Variants in MYOM1 observed in about 807,000 individuals in gnomAD.
MYOM1 encodes the protein myomesin 1, also known as myomesin-1.
MYOM1 carries 164 observed loss-of-function variants against 205.3 expected under a neutral mutation model. That is an observed-to-expected ratio of 0.80 (90% CI 0.70 to 0.91). MYOM1 has a LOEUF of 0.91. Among genes scored for constraint, MYOM1 ranks in the 40% least tolerant of loss-of-function variants. The pLI, the probability that MYOM1 is intolerant of heterozygous loss-of-function variation, is 0.00. For missense variants in MYOM1, 2,011 were observed against 2,127.3 expected, an observed-to-expected ratio of 0.95 and a Z score of 1.08; for synonymous variants, 772 against 789.4, an observed-to-expected ratio of 0.98 and a Z score of 0.37.
chr18:3,222,182 A>G (rs2081335375), upstream of MYOM1, among the ~76,000 whole-genome samples: 1 of 152,270 alleles, frequency 6.6e-6, no homozygotes, highest in Non-Finnish European at 1.5e-5. Context: ...ACCAGAGTCC[A>G]CATATATAAA....
the MYOM1 span, among the ~76,000 whole-genome samples, chr18:3,233,525 C>T: frequency 6.6e-6 from 1 of 152,132 alleles, no homozygotes; most frequent in Non-Finnish European, 1.5e-5. Context: ...GAATAATAGA[C>T]CCTGGTAAAG....
At chr18:3,114,889 C>T (rs887688893) in intron 21 of MYOM1, among the ~76,000 whole-genome samples, 11 of 152,018 alleles carry the variant, frequency 7.2e-5, no homozygotes, top group African/African-American at 2.4e-4. Context: ...TTAAAATTCC[C>T]GTTATTCTTT....
chr18:3,109,112 C>T (rs1329986986), intron 22 of MYOM1, among the ~76,000 whole-genome samples: 1 of 151,746 alleles, frequency 6.6e-6, no homozygotes, highest in African/African-American at 2.4e-5. Context: ...TCCTGAGAAG[C>T]TGGGATTACA....
intron 8 of MYOM1, among the ~76,000 whole-genome samples, chr18:3,173,612 G>C (rs1036370246): frequency 1.4e-5 from 2 of 146,012 alleles, no homozygotes; most frequent in Admixed American, 6.8e-5. Context: ...GTGTGTGTGT[G>C]TGTGTGTTTG....
At chr18:3,079,434 T>C (rs1008463558) in intron 33 of MYOM1, 92 bp from the exon 34 acceptor site, 103 of 1,390,648 alleles carry the variant, frequency 7.4e-5, no homozygotes, top group Non-Finnish European at 9.9e-5. Flanking sequence ...CCATAAAGTT[T>C]TGTAGGCTTT....
At chr18:3,072,629 C>T (rs2078973807) in intron 36 of MYOM1, among the ~76,000 whole-genome samples, 1 of 152,028 alleles carries the variant, frequency 6.6e-6, no homozygotes, top group Non-Finnish European at 1.5e-5. Flanking sequence ...GCTGGGATTA[C>T]AGGTGTGAGC....
Position 3,176,038 on chromosome 18 carries a change from T to C in MYOM1, c.1022+4A>G. The C allele has an allele frequency of 6.5e-7, 1 of 1,544,528 alleles. No homozygotes were observed. Among genetic ancestry groups the C allele is most frequent in the South Asian group, 1.1e-5 (1 of 89,500 alleles). On this transcript the variant is annotated splice_donor_region_variant and intron_variant, in intron 6 of 37. Coordinates refer to ENST00000356443, the MANE Select transcript of MYOM1 (RefSeq NM_003803.4). The stretch of plus-strand genomic sequence containing the variant: ...GCAACACATGGACACTAATGTTCTC[T>C]TACCCATTAATCTCCAGAGTGTGCA...
intron 22 of MYOM1, among the ~76,000 whole-genome samples, chr18:3,111,309 T>C (rs912049482): frequency 7.0e-6 from 1 of 142,658 alleles, no homozygotes; most frequent in Non-Finnish European, 1.5e-5. Context: ...ATAATACAGG[T>C]TAAATGATAA....
intron 16 of MYOM1, among the ~76,000 whole-genome samples, chr18:3,132,673 G>A (rs754811127): frequency 1.3e-4 from 20 of 152,008 alleles, no homozygotes; most frequent in Non-Finnish European, 2.1e-4. Context: ...TCACTGTCTC[G>A]CTGCATGCCA....
chr18:3,205,079 G>A (rs936783036), intron 2 of MYOM1, among the ~76,000 whole-genome samples: 2 of 152,042 alleles, frequency 1.3e-5, no homozygotes, highest in African/African-American at 4.8e-5. Context: ...ACTTCAAAAT[G>A]CATCACAGTT....
intron 3 of MYOM1, among the ~76,000 whole-genome samples, chr18:3,193,361 T>TACATATATATATATACAC (rs1598758731): frequency 1.5e-5 from 2 of 135,906 alleles, no homozygotes; most frequent in African/African-American, 6.0e-5. Context: ...TATATATATA[T>TACATATATATATATACAC]ACACACACAC....
At chr18:3,132,118 G>GTGTGTATA (rs369243798) in intron 16 of MYOM1, among the ~76,000 whole-genome samples, 40 of 143,452 alleles carry the variant, frequency 2.8e-4, no homozygotes, top group East Asian at 1.6e-3. Context: ...ATATGTGTGT[G>GTGTGTATA]TATATATATA....
At chr18:3,240,888 G>C in the MYOM1 span, among the ~76,000 whole-genome samples, 1 of 152,200 alleles carries the variant, frequency 6.6e-6, no homozygotes, top group Non-Finnish European at 1.5e-5. Context: ...GGGAACTGGA[G>C]TAAAGGTGAC....
chr18:3,193,610 G>C (rs138304663), intron 3 of MYOM1, among the ~76,000 whole-genome samples: 2 of 152,186 alleles, frequency 1.3e-5, no homozygotes, highest in Non-Finnish European at 2.9e-5. Flanking sequence ...TCAGTGCAGG[G>C]TTCCCAGCTT....
rs1170802456 is a variant in MYOM1, at chr18:3,216,633, G to A, written c.-28-1382C>T. Among the ~76,000 whole-genome samples, 7 of 152,336 alleles carry A rather than the reference G, an allele frequency of 4.6e-5. No individual in the cohort carries two copies. The South Asian group carries it at 1.0e-3, about 23-fold the overall frequency. ...GGGGTTCTGGGATGGGAGAGGTATA[G>A]GAGATGATGTCAAAGAGGTGAGCTA... On this transcript the variant is annotated intron_variant, in intron 1 of 37. Transcript: ENST00000356443.
At chr18:3,200,752 T>C (rs1215538239) in intron 2 of MYOM1, among the ~76,000 whole-genome samples, 1 of 152,066 alleles carries the variant, frequency 6.6e-6, no homozygotes, top group Non-Finnish European at 1.5e-5. Flanking sequence ...ATGTCAAACA[T>C]ACTAACATAT....
At chr18:3,180,451 G>A (rs1195594764) in intron 5 of MYOM1, among the ~76,000 whole-genome samples, 2 of 152,200 alleles carry the variant, frequency 1.3e-5, no homozygotes, top group Non-Finnish European at 2.9e-5. Context: ...CACCCAGTGA[G>A]GCATTTAGGT....
chr18:3,187,703 G>T, intron 4 of MYOM1, 66 bp from the exon 5 acceptor site: 1 of 1,434,318 alleles, frequency 7.0e-7, no homozygotes, highest in Non-Finnish European at 9.3e-7. Context: ...GAATTTTGGT[G>T]CTAAAATAAC....
intron 18 of MYOM1, among the ~76,000 whole-genome samples, chr18:3,127,303 ATATT>A (rs1424245309): frequency 8.2e-5 from 4 of 48,832 alleles, no homozygotes; most frequent in South Asian, 1.1e-3. Context: ...ATATATATAT[ATATT>A]TTTTTTTTTT....
Sources: gnomAD v4.1 joint callset for allele counts (sites outside exome capture counted in the v4.1 genomes callset) on GRCh38, gnomAD v4.1.1 for gene constraint, MANE v1.5 for transcripts, NCBI Gene and HGNC (gene_info 2026-07-23, HGNC 2026-07-21) for gene names.